TNFSF4: variants seen among roughly 807,000 people sequenced by gnomAD.
TNFSF4 encodes the protein tumor necrosis factor ligand superfamily member 4.
A neutral mutation model predicts 7.3 loss-of-function variants in TNFSF4; 4 were observed. That is an observed-to-expected ratio of 0.55 (90% CI 0.27 to 1.25). TNFSF4 has a LOEUF of 1.25. TNFSF4 is among the 50% of genes most tolerant of loss of function. TNFSF4 has a pLI of 0.12. For synonymous variants in TNFSF4, 76 were observed against 83.7 expected, an observed-to-expected ratio of 0.91 and a Z score of 0.50; for missense variants, 181 against 208.8, an observed-to-expected ratio of 0.87 and a Z score of 0.82.
At chr1:173,176,049 C>A in the TNFSF4 span, among the ~76,000 whole-genome samples, 1 of 152,094 alleles carries the variant, frequency 6.6e-6, no homozygotes, top group Non-Finnish European at 1.5e-5. Context: ...AAAATGAATG[C>A]TACAGCTTCC....
chr1:173,263,018 T>C, the TNFSF4 span, among the ~76,000 whole-genome samples: 1 of 152,170 alleles, frequency 6.6e-6, no homozygotes, highest in Non-Finnish European at 1.5e-5. Context: ...AGCCAAATCA[T>C]GAATGAACTC....
the TNFSF4 span, among the ~76,000 whole-genome samples, chr1:173,308,808 T>C: frequency 3.3e-5 from 5 of 151,912 alleles, no homozygotes; most frequent in Non-Finnish European, 5.9e-5. Flanking sequence ...GCCTAGCATC[T>C]TGGAGCCTAG....
the TNFSF4 span, among the ~76,000 whole-genome samples, chr1:173,249,544 C>T: frequency 9.2e-5 from 14 of 152,314 alleles, no homozygotes; most frequent in African/African-American, 2.9e-4. Flanking sequence ...ACCCAGTACA[C>T]CACAGGGTGG....
the TNFSF4 span, among the ~76,000 whole-genome samples, chr1:173,385,890 A>T: frequency 6.6e-6 from 1 of 152,228 alleles, no homozygotes; most frequent in East Asian, 1.9e-4. Flanking sequence ...AGCAAAACTT[A>T]AAAGATTTGG....
chr1:173,244,348 A>G, the TNFSF4 span, among the ~76,000 whole-genome samples: 1 of 152,226 alleles, frequency 6.6e-6, no homozygotes, highest in Non-Finnish European at 1.5e-5. Context: ...GATGACTATT[A>G]AAACATAAAC....
the TNFSF4 span, among the ~76,000 whole-genome samples, chr1:173,409,313 A>G: frequency 0.01 from 1,527 of 152,270 alleles, 22 homozygotes; most frequent in African/African-American, 0.035. Context: ...CGATAATCAC[A>G]TTTATTGGGA....
chr1:173,312,099 A>C, the TNFSF4 span, among the ~76,000 whole-genome samples: 5 of 152,082 alleles, frequency 3.3e-5, no homozygotes. Context: ...GTGCATATCC[A>C]TGATGATTTT....
the TNFSF4 span, among the ~76,000 whole-genome samples, chr1:173,175,974 A>G: frequency 4.6e-5 from 7 of 152,166 alleles, no homozygotes; most frequent in African/African-American, 1.7e-4. Context: ...ATCTAAGACC[A>G]GCTGGCTGAT....
the TNFSF4 span, among the ~76,000 whole-genome samples, chr1:173,367,850 C>T: frequency 1.3e-5 from 2 of 152,204 alleles, no homozygotes; most frequent in African/African-American, 4.8e-5. Context: ...CCTGTCTCTA[C>T]AGCATTTCAT....
the TNFSF4 span, among the ~76,000 whole-genome samples, chr1:173,376,179 A>C: frequency 1.3e-5 from 2 of 152,212 alleles, no homozygotes; most frequent in Non-Finnish European, 2.9e-5. Flanking sequence ...TCTCAATAGC[A>C]AAGACTTGGA....
At chr1:173,324,282 G>T in the TNFSF4 span, among the ~76,000 whole-genome samples, 1 of 152,184 alleles carries the variant, frequency 6.6e-6, no homozygotes, top group Non-Finnish European at 1.5e-5. Context: ...AAGTGAAGGA[G>T]AAATAAAATA....
the TNFSF4 span, among the ~76,000 whole-genome samples, chr1:173,359,472 AAAAAAG>A: frequency 3.9e-5 from 3 of 76,480 alleles, no homozygotes; most frequent in African/African-American, 4.8e-5. Context: ...AAAAGAAAAG[AAAAAAG>A]AAAAATTCAA....
chr1:173,231,595 G>C, the TNFSF4 span, among the ~76,000 whole-genome samples: 1 of 152,064 alleles, frequency 6.6e-6, no homozygotes, highest in African/African-American at 2.4e-5. Context: ...GTCCTGGCTT[G>C]GGCAATAAGG....
At chr1:173,367,423 C>T in the TNFSF4 span, among the ~76,000 whole-genome samples, 1 of 152,170 alleles carries the variant, frequency 6.6e-6, no homozygotes, top group Non-Finnish European at 1.5e-5. Flanking sequence ...TAATTCACTA[C>T]ACGTGGAAAT....
At chr1:173,440,409 G>A in the TNFSF4 span, 1 of 151,692 alleles carries the variant, frequency 6.6e-6, no homozygotes, top group Non-Finnish European at 1.5e-5. Context: ...GGTGGGGGAG[G>A]GAAGAATAAT....
chr1:173,230,206 A>G, the TNFSF4 span, among the ~76,000 whole-genome samples: 2 of 152,178 alleles, frequency 1.3e-5, no homozygotes, highest in Non-Finnish European at 2.9e-5. Context: ...CAGCAAATGT[A>G]AAAGAACAGA....
chr1:173,216,639 G>A, the TNFSF4 span, among the ~76,000 whole-genome samples: 1 of 152,096 alleles, frequency 6.6e-6, no homozygotes, highest in Non-Finnish European at 1.5e-5. Context: ...TTTGGAGGTA[G>A]TATTCCCTAT....
chr1:173,388,634 T>C, the TNFSF4 span, among the ~76,000 whole-genome samples: 11 of 152,336 alleles, frequency 7.2e-5, no homozygotes, highest in African/African-American at 2.2e-4. Context: ...CAGCTGTCTC[T>C]CCTAATCCAG....
Position 173,184,953 on chromosome 1 carries a change from A to G in TNFSF4, c.*1563T>C, listed in dbSNP as rs1215613149. On this transcript the variant is annotated 3_prime_UTR_variant, in exon 3 of 3. Transcript: ENST00000281834. The stretch of plus-strand genomic sequence containing the variant: ...TTAGCATTTTTATTTACCTTCCTTC[A>G]TAACAGATTAAAATAGAGGGATGGG... 6.6e-6 allele frequency: 1 copy of G among 152,176 alleles called. No homozygotes were observed. Among genetic ancestry groups the G allele is most frequent in the Non-Finnish European group, 1.5e-5 (1 of 68,042 alleles). The allele number at this position is 152,176 out of a possible 1,614,324, so 9.4% of individuals were successfully genotyped here.
Sources: gnomAD v4.1 joint callset for allele counts (sites outside exome capture counted in the v4.1 genomes callset) on GRCh38, gnomAD v4.1.1 for gene constraint, MANE v1.5 for transcripts, NCBI Gene and HGNC (gene_info 2026-07-23, HGNC 2026-07-21) for gene names.